GTF2F2: variants seen among roughly 807,000 people sequenced by gnomAD.
GTF2F2 encodes general transcription factor IIF subunit 2.
A neutral mutation model predicts 42.2 loss-of-function variants in GTF2F2; 23 were observed. The observed-to-expected ratio is 0.55, with a 90% CI of 0.39 to 0.77. GTF2F2 has a LOEUF of 0.77. Among genes scored for constraint, GTF2F2 ranks in the 30% least tolerant of loss-of-function variants. GTF2F2 has a pLI of 0.00. For missense variants in GTF2F2, 261 were observed against 287.2 expected (o/e 0.91, Z 0.66); for synonymous variants, 105 against 100.8 (o/e 1.04, Z -0.25).
intron 4 of GTF2F2, among the ~76,000 whole-genome samples, chr13:45,172,325 G>C (rs1284995816): frequency 6.6e-6 from 1 of 152,058 alleles, no homozygotes; most frequent in Non-Finnish European, 1.5e-5. Context: ...GTGCTTGTTA[G>C]CCATTTGTGT....
chr13:45,241,568 T>G, intron 5 of GTF2F2, among the ~76,000 whole-genome samples: 1 of 130,706 alleles, frequency 7.7e-6, no homozygotes, highest in Admixed American at 7.1e-5. Context: ...TTTAATTAAT[T>G]TAAATAGACA....
At chr13:45,244,909 T>G (rs987737632) in intron 5 of GTF2F2, among the ~76,000 whole-genome samples, 6 of 152,182 alleles carry the variant, frequency 3.9e-5, no homozygotes, top group Non-Finnish European at 7.4e-5. Flanking sequence ...TAACCTCAAG[T>G]GATTCGGCCT....
In GTF2F2 at chr13:45,246,227, G is replaced by C. The variant is rs1023764797; in HGVS notation, c.387-6644G>C. ...GGGGTTTCATCGTGTTGTCCAGGAT[G>C]GTCTCGATCTCCTGACCTCGTGATC... On this transcript the variant is annotated intron_variant, in intron 5 of 7. Coordinates refer to ENST00000340473, the MANE Select transcript of GTF2F2 (RefSeq NM_004128.3). 7.2e-4 allele frequency among the ~76,000 whole-genome samples: 109 copies of C among 151,882 alleles called. 1 individual carries two copies. The highest frequency in any genetic ancestry group is 2.4e-3 in the African/African-American group (99 of 41,478).
intron 2 of GTF2F2, among the ~76,000 whole-genome samples, chr13:45,146,255 C>T (rs748203992): frequency 5.9e-5 from 9 of 152,054 alleles, no homozygotes; most frequent in East Asian, 1.9e-4. Context: ...CAGCACTTTG[C>T]GAGGCCAAGG....
intron 1 of GTF2F2, among the ~76,000 whole-genome samples, chr13:45,124,555 TTTTG>T (rs372698272): frequency 2.5e-4 from 38 of 151,638 alleles, no homozygotes; most frequent in African/African-American, 8.4e-4. Context: ...ATGGGGTTTA[TTTTG>T]TTTGTTTGTT....
intron 5 of GTF2F2, among the ~76,000 whole-genome samples, chr13:45,240,975 CAAAAAAAA>C (rs1210038157): frequency 9.4e-6 from 1 of 106,500 alleles, no homozygotes; most frequent in Non-Finnish European, 2.0e-5. Context: ...CCTGTTATTA[CAAAAAAAA>C]AAAAAAAAAA....
intron 5 of GTF2F2, among the ~76,000 whole-genome samples, chr13:45,213,321 C>T (rs112579401): frequency 0.012 from 1,895 of 152,184 alleles, 42 homozygotes; most frequent in African/African-American, 0.04. Flanking sequence ...CCTTGTGATC[C>T]ACCCGCCTCG....
chr13:45,210,526 A>C (rs1185372451), intron 5 of GTF2F2, among the ~76,000 whole-genome samples: 1 of 152,186 alleles, frequency 6.6e-6, no homozygotes, highest in African/African-American at 2.4e-5. Context: ...TAAACTATGT[A>C]GTTTACTTAT....
intron 5 of GTF2F2, among the ~76,000 whole-genome samples, chr13:45,214,110 C>G (rs1873799917): frequency 6.6e-6 from 1 of 151,474 alleles, no homozygotes; most frequent in African/African-American, 2.4e-5. Context: ...ACATAAATGA[C>G]TATCACAAAG....
intron 5 of GTF2F2, among the ~76,000 whole-genome samples, chr13:45,226,686 G>A (rs1222666137): frequency 6.6e-6 from 1 of 151,240 alleles, no homozygotes; most frequent in African/African-American, 2.4e-5. Context: ...AAATTTTTTT[G>A]CTCTAAATTT....
At chr13:45,273,654 A>ATTTTTTTTTTTTTTTT (rs1331934269) in intron 7 of GTF2F2, among the ~76,000 whole-genome samples, 25 of 110,906 alleles carry the variant, frequency 2.3e-4, no homozygotes, top group Admixed American at 3.3e-4. Flanking sequence ...AGAGTGGTAA[A>ATTTTTTTTTTTTTTTT]ATTTTTTTTT....
At chr13:45,234,308 G>A (rs186350457) in intron 5 of GTF2F2, among the ~76,000 whole-genome samples, 1 of 152,298 alleles carries the variant, frequency 6.6e-6, no homozygotes, top group East Asian at 1.9e-4. Flanking sequence ...TAAAATAAGT[G>A]ACTGAAACAT....
chr13:45,141,000 T>C (rs1204064641), intron 2 of GTF2F2, among the ~76,000 whole-genome samples: 1 of 152,230 alleles, frequency 6.6e-6, no homozygotes, highest in Non-Finnish European at 1.5e-5. Context: ...TCCCAACCCA[T>C]AGGATGTTTA....
intron 2 of GTF2F2, among the ~76,000 whole-genome samples, chr13:45,139,582 T>G (rs1869817562): frequency 6.6e-6 from 1 of 152,216 alleles, no homozygotes; most frequent in Admixed American, 6.5e-5. Flanking sequence ...GGCCACCATA[T>G]GTAAAATAGC....
chr13:45,203,639 G>T (rs980020996), intron 4 of GTF2F2, among the ~76,000 whole-genome samples: 1 of 152,100 alleles, frequency 6.6e-6, no homozygotes, highest in African/African-American at 2.4e-5. Flanking sequence ...ATGGGCTTCT[G>T]TAATATATAA....
chr13:45,283,648 G>A lies in GTF2F2; in HGVS notation c.*87G>A. ...ATACTGGAAGGCTTGAACACCGTAT[G>A]TTAATAGGGGTTAAGTGACAGTACT... On this transcript the variant is annotated 3_prime_UTR_variant, in exon 8 of 8. Transcript: ENST00000340473. 1 of 1,061,570 alleles carries A rather than the reference G, an allele frequency of 9.4e-7. No individual in the cohort carries two copies. 65.8% of individuals were successfully genotyped at this position (1,061,570 alleles called of 1,614,324 possible). A position where few individuals can be genotyped will look rare whatever the true frequency, so the allele number is the denominator to read the frequency against.
intron 6 of GTF2F2, among the ~76,000 whole-genome samples, chr13:45,254,998 C>A (rs1367242766): frequency 6.6e-6 from 1 of 151,870 alleles, no homozygotes; most frequent in Admixed American, 6.6e-5. Flanking sequence ...GAAACCCCAT[C>A]TCTACTAAAA....
At chr13:45,239,657 C>T (rs111678933) in intron 5 of GTF2F2, among the ~76,000 whole-genome samples, 5 of 152,188 alleles carry the variant, frequency 3.3e-5, no homozygotes, top group African/African-American at 4.8e-5. Flanking sequence ...TAGGCCCTTT[C>T]GGAACACATT....
intron 1 of GTF2F2, among the ~76,000 whole-genome samples, chr13:45,128,201 CCG>C (rs1415438389): frequency 4.1e-5 from 6 of 146,920 alleles, no homozygotes; most frequent in Admixed American, 1.3e-4. Context: ...ACCTCGTGAT[CCG>C]CCTGCCTCAG....
Sources: gnomAD v4.1 joint callset for allele counts (sites outside exome capture counted in the v4.1 genomes callset) on GRCh38, gnomAD v4.1.1 for gene constraint, MANE v1.5 for transcripts, NCBI Gene and HGNC (gene_info 2026-07-23, HGNC 2026-07-21) for gene names.